The following LMLN variants were observed in gnomAD, a reference collection of about 807,000 sequenced individuals.
LMLN encodes leishmanolysin-like peptidase.
In LMLN, 70 loss-of-function variants were observed where a neutral mutation model predicts 92.3. The observed-to-expected ratio is 0.76, with a 90% CI of 0.63 to 0.92. The LOEUF (loss-of-function observed/expected upper bound fraction) is 0.92, where lower values mean the gene tolerates loss of function less well. Ranked by LOEUF, LMLN falls within the 40% of genes least tolerant of loss-of-function variation. The probability of loss-of-function intolerance (pLI) is 0.00; values close to 1 mark genes in which losing one functional copy is unlikely to be tolerated. For missense variants in LMLN, 691 were observed against 814.6 expected (o/e 0.85, Z 1.85); for synonymous variants, 308 against 296.2 (o/e 1.04, Z -0.41).
exon 1 of LMLN, chr3:197,960,354 G>C: frequency 6.2e-7 from 1 of 1,613,930 alleles, no homozygotes; most frequent in Non-Finnish European, 8.5e-7. Flanking sequence ...ACTCCTGTTG[G>C]GCGGGCTCCG....
At chr3:198,034,301 G>GT (rs1560158351) in intron 14 of LMLN, among the ~76,000 whole-genome samples, 1 of 152,018 alleles carries the variant, frequency 6.6e-6, no homozygotes, top group African/African-American at 2.4e-5. Context: ...CAACTTTGAG[G>GT]TTTTTTTTAA....
chr3:197,995,635 T>A (rs1184413994), intron 9 of LMLN, among the ~76,000 whole-genome samples: 1 of 151,314 alleles, frequency 6.6e-6, no homozygotes, highest in Non-Finnish European at 1.5e-5. Context: ...GGTGTAACAC[T>A]TTTTTTTTCT....
chr3:197,998,889 C>T (rs1413180439), intron 10 of LMLN, among the ~76,000 whole-genome samples: 4 of 152,232 alleles, frequency 2.6e-5, no homozygotes, highest in Non-Finnish European at 5.9e-5. Context: ...GTAATTCAGA[C>T]AGCTATTCTC....
exon 7 of LMLN, chr3:197,983,952 A>G: frequency 6.2e-7 from 1 of 1,608,300 alleles, no homozygotes; most frequent in South Asian, 1.1e-5. Flanking sequence ...GGCCAATAGC[A>G]GGATATGCTA....
chr3:197,985,917 C>G (rs1164953810), intron 8 of LMLN, 27 bp downstream of exon 8: 2 of 1,401,378 alleles, frequency 1.4e-6, no homozygotes, highest in Admixed American at 3.4e-5. Context: ...TGCTCTTGTT[C>G]TCCTCTTTTA....
chr3:198,041,690 A>C (rs1349527252), exon 16 of LMLN: 1 of 152,258 alleles, frequency 6.6e-6, no homozygotes, highest in African/African-American at 2.4e-5. Context: ...AAGTCAAAGC[A>C]AAGAGTCTAT....
chr3:197,996,603 C>T (rs1722024364), intron 10 of LMLN: 1 of 165,578 alleles, frequency 6.0e-6, no homozygotes, highest in Admixed American at 6.4e-5. Flanking sequence ...TCCTGAAAAA[C>T]CTTTTTCTTC....
exon 15 of LMLN, chr3:198,035,918 G>A: frequency 6.2e-7 from 1 of 1,614,076 alleles, no homozygotes; most frequent in Non-Finnish European, 8.5e-7. Context: ...CTCCCTGTCA[G>A]TATCCAGATG....
At chr3:197,984,515 C>T (rs1721646566) in intron 7 of LMLN, among the ~76,000 whole-genome samples, 1 of 151,892 alleles carries the variant, frequency 6.6e-6, no homozygotes, top group Admixed American at 6.6e-5. Flanking sequence ...TTTTTGAGGC[C>T]CCATGATGGC....
intron 1 of LMLN, among the ~76,000 whole-genome samples, chr3:197,973,948 G>T (rs1013938087): frequency 2.6e-5 from 4 of 152,134 alleles, no homozygotes; most frequent in African/African-American, 9.7e-5. Context: ...CATGTAAATA[G>T]TAAATGAGAA....
In LMLN at chr3:197,969,509, G is replaced by A. The variant is rs536858500; in HGVS notation, c.220-4868G>A. 9.9e-5 allele frequency among the ~76,000 whole-genome samples: 15 copies of A among 152,024 alleles called. No individual in the cohort carries two copies. In the South Asian group the frequency reaches 3.1e-3, roughly 32 times the overall value. The stretch of plus-strand genomic sequence containing the variant: ...TGTTTGATTTTTTCAAAAGTATTTG[G>A]GGATTTTCCCAGATATTGTTCTGAA... On this transcript the variant is annotated intron_variant, in intron 1 of 15. Transcript: ENST00000330198.
rs1027125833 is a variant in LMLN, at chr3:198,038,792, A to C, written c.*125A>C. Reference sequence around the variant, plus strand: ...GGCATTCCTGGCTTTGGCTTGGAAGAATTGACGACCATCAGACCTTGAAGC... The same window carrying C: ...GGCATTCCTGGCTTTGGCTTGGAAGCATTGACGACCATCAGACCTTGAAGC... On this transcript the variant is annotated 3_prime_UTR_variant, in exon 16 of 16. Coordinates refer to ENST00000330198, the Ensembl canonical transcript of LMLN. 1.5e-5 allele frequency: 11 copies of C among 740,888 alleles called. No homozygotes were observed. The Admixed American group carries it at 2.4e-4, about 16-fold the overall frequency. 45.9% of individuals were successfully genotyped at this position (740,888 alleles called of 1,614,324 possible). A position where few individuals can be genotyped will look rare whatever the true frequency, so the allele number is the denominator to read the frequency against.
intron 1 of LMLN, among the ~76,000 whole-genome samples, chr3:197,971,546 T>A (rs1721224149): frequency 6.6e-6 from 1 of 152,244 alleles, no homozygotes; most frequent in Admixed American, 6.5e-5. Flanking sequence ...TTTATCTTTA[T>A]TTTTAGATGT....
At chr3:197,991,267 C>G (rs1367857385) in intron 9 of LMLN, among the ~76,000 whole-genome samples, 1 of 151,926 alleles carries the variant, frequency 6.6e-6, no homozygotes. Context: ...CCACGCCCAG[C>G]TAATTTTGTT....
chr3:198,043,653 T>A (rs1723474301), exon 16 of LMLN: 1 of 152,590 alleles, frequency 6.6e-6, no homozygotes, highest in Non-Finnish European at 1.5e-5. Flanking sequence ...AACTAATATT[T>A]ATGGTATTGA....
intron 8 of LMLN, among the ~76,000 whole-genome samples, chr3:197,987,936 A>G (rs1292885229): frequency 2.0e-5 from 3 of 151,890 alleles, no homozygotes; most frequent in Admixed American, 2.0e-4. Context: ...AGCCATTTGC[A>G]TTTTCTCTTT....
chr3:197,983,937 T>C lies in LMLN; in HGVS notation c.729-6T>C, dbSNP rs1294992534. The C allele has an allele frequency of 1.9e-6, 3 of 1,581,760 alleles. No homozygotes were observed. Among genetic ancestry groups the C allele is most frequent in the Non-Finnish European group, 8.7e-7 (1 of 1,152,172 alleles). ...TAATTTAAAAATTCAATGTCTGTTT[T>C]GACAGGCCAATAGCAGGATATGCTA... On this transcript the variant is annotated splice_polypyrimidine_tract_variant and splice_region_variant and intron_variant, in intron 6 of 15. Coordinates refer to ENST00000330198, the Ensembl canonical transcript of LMLN.
intron 1 of LMLN, 141 bp from the exon 2 acceptor site, chr3:197,974,236 A>G: frequency 1.7e-6 from 1 of 591,888 alleles, no homozygotes; most frequent in South Asian, 2.2e-5. Flanking sequence ...AGGTTCAAGA[A>G]TGCTGACACA....
chr3:197,976,793 A>G lies in LMLN; in HGVS notation c.549+78A>G, dbSNP rs1721396345. 10 of 658,138 alleles carry G rather than the reference A, an allele frequency of 1.5e-5. No homozygotes were observed. In the South Asian group the frequency reaches 3.2e-4, roughly 21 times the overall value. 40.8% of individuals were successfully genotyped at this position (658,138 alleles called of 1,614,324 possible). On this transcript the variant is annotated intron_variant, in intron 5 of 15. Coordinates refer to ENST00000330198, the Ensembl canonical transcript of LMLN. ...TGTGAGTGTCACAGAATTTTTACAG[A>G]TTCAAGTTCAAAGGCTTAGTAGCTT... is the stretch of plus-strand genomic sequence containing the variant.
Sources: allele counts gnomAD v4.1 joint callset (sites outside exome capture counted in the v4.1 genomes callset), GRCh38; gene constraint gnomAD v4.1.1; transcripts MANE v1.5; gene names NCBI Gene and HGNC (gene_info 2026-07-23, HGNC 2026-07-21).